Variants in ANO6 observed in about 807,000 individuals in gnomAD.
ANO6 encodes the protein anoctamin 6.
In ANO6, 106 loss-of-function variants were observed where a neutral mutation model predicts 117.5. The ratio of observed to expected loss-of-function variants is 0.90; its 90% CI spans 0.77 to 1.06. The LOEUF is 1.06. Ranked by LOEUF, ANO6 falls within the 50% of genes least tolerant of loss-of-function variation. The pLI is 0.00. For missense variants in ANO6, 955 were observed against 1,121.1 expected (o/e 0.85, Z 2.12); for synonymous variants, 367 against 385.1 (o/e 0.95, Z 0.55).
chr12:45,414,439 G>T (rs1943162972), intron 16 of ANO6, among the ~76,000 whole-genome samples: 1 of 151,980 alleles, frequency 6.6e-6, no homozygotes, highest in Non-Finnish European at 1.5e-5. Context: ...TGTCAGAAGT[G>T]ATGGCCCCAT....
At chr12:45,355,877 C>A (rs940592751) in intron 7 of ANO6, among the ~76,000 whole-genome samples, 9 of 152,164 alleles carry the variant, frequency 5.9e-5, no homozygotes, top group African/African-American at 2.2e-4. Flanking sequence ...TAAGTCCCCA[C>A]GAGGCTAAGA....
Position 45,388,291 on chromosome 12 carries a change from T to C in ANO6, c.1296T>C (p.Asn432=), listed in dbSNP as rs781236520. The change falls in exon 11 of 20, where the codon AAT becomes AAC. Residue 432 remains asparagine (N), a synonymous_variant. Coordinates refer to ENST00000320560, the MANE Select transcript of ANO6 (RefSeq NM_001025356.3). ...CACGATGTACTCACGTAGTGATAAA[T>C]GAGATTACTCAGGTAAGCAGGGTCG... ...YEARCTHVVI[N]EITQEEERIP... is the part of the protein sequence containing the mutation. 1.2e-6 allele frequency: 2 copies of C among 1,613,750 alleles called. No homozygotes were observed. Among genetic ancestry groups the C allele is most frequent in the Admixed American group, 1.7e-5 (1 of 60,000 alleles).
At chr12:45,317,107 T>TTATGTGTGTGTGTATATATATATATA (rs1185224135) in intron 2 of ANO6, among the ~76,000 whole-genome samples, 2 of 12,466 alleles carry the variant, frequency 1.6e-4, no homozygotes, top group Non-Finnish European at 4.0e-3. Flanking sequence ...TGGATTCTTT[T>TTATGTGTGTGTGTATATATATATATA]TATATGTATA....
chr12:45,421,025 C>T (rs1565770191), intron 17 of ANO6, 46 bp from the exon 18 acceptor site: 1 of 1,604,578 alleles, frequency 6.2e-7, no homozygotes. Context: ...GTCTCAAAAA[C>T]AAAAAACTAT....
intron 1 of ANO6, among the ~76,000 whole-genome samples, chr12:45,243,437 A>G (rs1389411814): frequency 1.3e-5 from 2 of 152,192 alleles, no homozygotes; most frequent in Admixed American, 1.3e-4. Context: ...AGTATTGTCC[A>G]CCCATGATAA....
chr12:45,394,064 A>T (rs1399678094), intron 12 of ANO6, among the ~76,000 whole-genome samples: 1 of 152,212 alleles, frequency 6.6e-6, no homozygotes, highest in Non-Finnish European at 1.5e-5. Context: ...TTGGATAAAG[A>T]GTCAAGACCC....
intron 1 of ANO6, among the ~76,000 whole-genome samples, chr12:45,263,367 C>CTTT (rs72457782): frequency 1.8e-4 from 14 of 79,142 alleles, no homozygotes; most frequent in South Asian, 5.9e-4. Context: ...CTGGCCTGGC[C>CTTT]TTTTTTTTTT....
chr12:45,402,393 A>T (rs189951774), intron 13 of ANO6, among the ~76,000 whole-genome samples: 1 of 152,044 alleles, frequency 6.6e-6, no homozygotes, highest in Admixed American at 6.5e-5. Context: ...AGGACAAGCT[A>T]TCACACTGCT....
chr12:45,304,699 A>G (rs1939608015), intron 2 of ANO6, among the ~76,000 whole-genome samples: 1 of 152,214 alleles, frequency 6.6e-6, no homozygotes, highest in African/African-American at 2.4e-5. Flanking sequence ...GCTTATCATT[A>G]TTAGTTCATT....
At chr12:45,373,996 C>T (rs150962705) in intron 9 of ANO6, among the ~76,000 whole-genome samples, 2,014 of 151,968 alleles carry the variant, frequency 0.013, 14 homozygotes, top group Non-Finnish European at 0.021. Context: ...ATCAAAGAGA[C>T]GCAATAAAAA....
Position 45,431,756 on chromosome 12 carries a change from G to T in ANO6, c.*2445G>T, listed in dbSNP as rs112117072. The T allele has an allele frequency of 2.0e-3, 2,001 of 985,468 alleles. 25 individuals carry two copies. In the African/African-American group the frequency reaches 0.029, roughly 14 times the overall value. 61.0% of individuals were successfully genotyped at this position (985,468 alleles called of 1,614,324 possible). A position where few individuals can be genotyped will look rare whatever the true frequency, so the allele number is the denominator to read the frequency against. On this transcript the variant is annotated 3_prime_UTR_variant, in exon 20 of 20. Coordinates refer to ENST00000320560, the MANE Select transcript of ANO6 (RefSeq NM_001025356.3). ...TCTGTAAGTGGCTTCAGAGGCAGCA[G>T]CCCTGGGGAAATTGATGGGTGTGGC...
chr12:45,288,051 A>G (rs1021552678), intron 1 of ANO6, among the ~76,000 whole-genome samples: 2 of 152,192 alleles, frequency 1.3e-5, no homozygotes, highest in African/African-American at 4.8e-5. Context: ...CACCCGTCAG[A>G]TGGTCGTTAT....
intron 1 of ANO6, among the ~76,000 whole-genome samples, chr12:45,217,030 CCTGGGGCTTGGGGAGCAA>C: frequency 6.6e-6 from 1 of 152,276 alleles, no homozygotes; most frequent in Non-Finnish European, 1.5e-5. Context: ...CCTGAGGGGC[CCTGGGGCTTGGGGAGCAA>C]ACCTGGGGTG....
chr12:45,439,105 A>G (rs143339641), intron 19 of ANO6, among the ~76,000 whole-genome samples: 24 of 152,346 alleles, frequency 1.6e-4, no homozygotes, highest in African/African-American at 5.8e-4. Context: ...ATGGCTAGTC[A>G]GAAGTCCTGA....
intron 1 of ANO6, among the ~76,000 whole-genome samples, chr12:45,252,785 C>A (rs531414271): frequency 6.6e-6 from 1 of 152,130 alleles, no homozygotes; most frequent in Non-Finnish European, 1.5e-5. Context: ...CATTTCTTTA[C>A]GTTTTGTATA....
chr12:45,280,879 TAG>T (rs1555164646), intron 1 of ANO6, among the ~76,000 whole-genome samples: 6 of 149,852 alleles, frequency 4.0e-5, no homozygotes, highest in African/African-American at 7.3e-5. Flanking sequence ...TATATATATA[TAG>T]AGAGAGAGAG....
Position 45,430,213 on chromosome 12 carries a change from G to A in ANO6, c.*902G>A, listed in dbSNP as rs1487603512. Reference sequence around the variant, plus strand: ...ACATTTTTATCAACATAATTGTCTGGAAAAGATAAGCCCCTCAATTTTCTA... The same window carrying A: ...ACATTTTTATCAACATAATTGTCTGAAAAAGATAAGCCCCTCAATTTTCTA... On this transcript the variant is annotated 3_prime_UTR_variant, in exon 20 of 20. Coordinates refer to ENST00000320560, the MANE Select transcript of ANO6 (RefSeq NM_001025356.3). 1.5e-5 allele frequency: 15 copies of A among 985,248 alleles called. No homozygotes were observed. The South Asian group carries it at 1.9e-4, about 12-fold the overall frequency. The allele number at this position is 985,248 out of a possible 1,614,324, so 61.0% of individuals were successfully genotyped here.
chr12:45,292,861 G>T, intron 1 of ANO6: 1 of 1,548,546 alleles, frequency 6.5e-7, no homozygotes, highest in South Asian at 1.2e-5. Flanking sequence ...GAGGTAGGAG[G>T]GTAAGAAGCG....
In ANO6 at chr12:45,302,112, T is replaced by C; in HGVS notation, c.150+19T>C. 1.2e-6 allele frequency: 2 copies of C among 1,607,432 alleles called. No individual in the cohort carries two copies. Among genetic ancestry groups the C allele is most frequent in the Non-Finnish European group, 1.7e-6 (2 of 1,174,036 alleles). The stretch of plus-strand genomic sequence containing the variant: ...GGAGTTTGTGAGTACTATTCCTTTA[T>C]CTTAAATTTGTATTCTTAAGCTAAG... On this transcript the variant is annotated intron_variant, in intron 2 of 19. Transcript: ENST00000320560.
Sources: allele counts gnomAD v4.1 joint callset (sites outside exome capture counted in the v4.1 genomes callset), GRCh38; gene constraint gnomAD v4.1.1; transcripts MANE v1.5; gene names NCBI Gene and HGNC (gene_info 2026-07-23, HGNC 2026-07-21).